EPB41L5: variants seen among roughly 807,000 people sequenced by gnomAD.
EPB41L5 encodes the protein erythrocyte membrane protein band 4.1 like 5.
Under a neutral mutation model 106.6 loss-of-function variants are expected in EPB41L5, and 55 were observed. The ratio of observed to expected loss-of-function variants is 0.52; its 90% CI spans 0.42 to 0.65. The LOEUF is 0.65. EPB41L5 is among the 30% of genes least tolerant of loss of function. EPB41L5 has a pLI of 0.00. For synonymous variants in EPB41L5, 297 were observed against 306.7 expected, an observed-to-expected ratio of 0.97 and a Z score of 0.33; for missense variants, 871 against 882.1, an observed-to-expected ratio of 0.99 and a Z score of 0.16.
chr2:120,118,229 C>G (rs534846626), intron 16 of EPB41L5, among the ~76,000 whole-genome samples: 2 of 152,298 alleles, frequency 1.3e-5, no homozygotes, highest in East Asian at 3.9e-4. Flanking sequence ...AGATGGCTTT[C>G]CAATTATGTC....
At chr2:120,053,456 C>T (rs1680424391) in intron 3 of EPB41L5, among the ~76,000 whole-genome samples, 1 of 152,164 alleles carries the variant, frequency 6.6e-6, no homozygotes, top group African/African-American at 2.4e-5. Context: ...AGAACATTTT[C>T]ATCACCCCCA....
At chr2:120,047,872 G>T (rs955186299) in intron 3 of EPB41L5, among the ~76,000 whole-genome samples, 1 of 152,118 alleles carries the variant, frequency 6.6e-6, no homozygotes, top group Non-Finnish European at 1.5e-5. Flanking sequence ...TAGCACGAAG[G>T]GCTGTTGAAT....
At chr2:120,075,624 A>C (rs558101188) in intron 6 of EPB41L5, 77 bp from the exon 7 acceptor site, 1 of 1,432,986 alleles carries the variant, frequency 7.0e-7, no homozygotes. Context: ...TCAACATAAA[A>C]CATGTATTAT....
At chr2:120,123,559 T>C (rs917248320) in intron 16 of EPB41L5, among the ~76,000 whole-genome samples, 1 of 151,758 alleles carries the variant, frequency 6.6e-6, no homozygotes, top group East Asian at 1.9e-4. Context: ...TTACAAAAAG[T>C]CCACTTCTAA....
At chr2:120,141,492 A>C (rs1259222666) in intron 18 of EPB41L5, among the ~76,000 whole-genome samples, 1 of 152,146 alleles carries the variant, frequency 6.6e-6, no homozygotes, top group Non-Finnish European at 1.5e-5. Context: ...AGGGGACTAG[A>C]ATATCACAGC....
chr2:120,062,542 G>T (rs1367723683), intron 3 of EPB41L5, among the ~76,000 whole-genome samples: 8 of 152,122 alleles, frequency 5.3e-5, no homozygotes, highest in Admixed American at 5.2e-4. Context: ...GTTTAAAGCT[G>T]TTTGATTATA....
At chr2:120,167,608 G>T in intron 23 of EPB41L5, 101 bp downstream of exon 23, 1 of 1,285,800 alleles carries the variant, frequency 7.8e-7, no homozygotes, top group Admixed American at 1.9e-5. Context: ...CATGAGGGTT[G>T]TTATCAAAGC....
chr2:120,098,338 T>A (rs764034476), intron 14 of EPB41L5, among the ~76,000 whole-genome samples: 5 of 151,782 alleles, frequency 3.3e-5, no homozygotes, highest in Admixed American at 6.6e-5. Context: ...GCCTCCAAAG[T>A]ATCTGAGACT....
intron 16 of EPB41L5, among the ~76,000 whole-genome samples, chr2:120,107,302 G>A (rs901464837): frequency 3.9e-5 from 6 of 152,048 alleles, no homozygotes; most frequent in African/African-American, 1.4e-4. Flanking sequence ...TGTTATTTTA[G>A]TGTTAGTCTT....
At chr2:120,076,702 A>C (rs1407720766) in intron 7 of EPB41L5, among the ~76,000 whole-genome samples, 1 of 152,062 alleles carries the variant, frequency 6.6e-6, no homozygotes, top group Admixed American at 6.6e-5. Context: ...ATGGAAGTCT[A>C]GAAAGCAGTT....
chr2:120,150,050 G>A (rs1456584692), intron 20 of EPB41L5, among the ~76,000 whole-genome samples: 1 of 151,908 alleles, frequency 6.6e-6, no homozygotes, highest in Non-Finnish European at 1.5e-5. Flanking sequence ...ATGCCACCAT[G>A]CTCGGCTAAG....
At chr2:120,026,620 T>C (rs963562273) in intron 2 of EPB41L5, among the ~76,000 whole-genome samples, 2 of 152,136 alleles carry the variant, frequency 1.3e-5, no homozygotes, top group African/African-American at 4.8e-5. Flanking sequence ...CCGCCTGCCT[T>C]GGACTCCCAA....
intron 16 of EPB41L5, among the ~76,000 whole-genome samples, chr2:120,112,755 T>G (rs1016282358): frequency 1.3e-5 from 2 of 152,216 alleles, no homozygotes; most frequent in African/African-American, 4.8e-5. Flanking sequence ...GTGATAATAA[T>G]AGCTAATACT....
intron 1 of EPB41L5, among the ~76,000 whole-genome samples, chr2:120,018,098 C>A (rs1328102458): frequency 6.6e-6 from 1 of 152,010 alleles, no homozygotes; most frequent in Non-Finnish European, 1.5e-5. Flanking sequence ...GTAGCTGGGA[C>A]TACAGGCGCC....
intron 2 of EPB41L5, among the ~76,000 whole-genome samples, chr2:120,033,524 G>T (rs909759346): frequency 1.3e-5 from 2 of 151,440 alleles, no homozygotes; most frequent in Admixed American, 1.3e-4. Flanking sequence ...CCTAGCCAAC[G>T]TGGTGAAACC....
chr2:120,166,707 G>GTTAC (rs1485104391), intron 22 of EPB41L5, among the ~76,000 whole-genome samples: 1 of 152,192 alleles, frequency 6.6e-6, no homozygotes, highest in African/African-American at 2.4e-5. Flanking sequence ...AAATGCTGGG[G>GTTAC]TTACAGGCGT....
chr2:120,039,248 T>C (rs1175559558), intron 2 of EPB41L5, among the ~76,000 whole-genome samples: 2 of 151,898 alleles, frequency 1.3e-5, no homozygotes. Flanking sequence ...CAGAAAGTAT[T>C]AATGGGAGAG....
chr2:120,040,503 T>G (rs754015233), intron 2 of EPB41L5, among the ~76,000 whole-genome samples: 3 of 152,104 alleles, frequency 2.0e-5, no homozygotes, highest in Non-Finnish European at 2.9e-5. Context: ...TATTCTCAAA[T>G]ATAGAAGGCC....
At chr2:120,140,874 G>C (rs1205223648) in intron 18 of EPB41L5, among the ~76,000 whole-genome samples, 1 of 152,032 alleles carries the variant, frequency 6.6e-6, no homozygotes, top group Non-Finnish European at 1.5e-5. Flanking sequence ...TTTGCTTAAG[G>C]AATGCAAATT....
Sources: allele counts gnomAD v4.1 joint callset (sites outside exome capture counted in the v4.1 genomes callset), GRCh38; gene constraint gnomAD v4.1.1; transcripts MANE v1.5; gene names NCBI Gene and HGNC (gene_info 2026-07-23, HGNC 2026-07-21).